IGF2BP2: variants seen among roughly 807,000 people sequenced by gnomAD.
The protein encoded by IGF2BP2 is insulin-like growth factor 2 mRNA-binding protein 2.
IGF2BP2 carries 17 observed loss-of-function variants against 75.8 expected under a neutral mutation model. That is an observed-to-expected ratio of 0.22 (90% CI 0.15 to 0.34). The LOEUF (loss-of-function observed/expected upper bound fraction) is 0.34, where lower values mean the gene tolerates loss of function less well. Ranked by LOEUF, IGF2BP2 falls within the 10% of genes least tolerant of loss-of-function variation. The probability of loss-of-function intolerance (pLI) is 1.00; values close to 1 mark genes in which losing one functional copy is unlikely to be tolerated. For synonymous variants in IGF2BP2, 288 were observed against 295.6 expected (o/e 0.97, Z 0.26); for missense variants, 516 against 772.4 (o/e 0.67, Z 3.93).
chr3:185,725,849 T>C (rs1017972369), intron 2 of IGF2BP2, among the ~76,000 whole-genome samples: 11 of 152,154 alleles, frequency 7.2e-5, no homozygotes, highest in African/African-American at 2.2e-4. Flanking sequence ...TGTGTGCTTG[T>C]AGTCCCAGTT....
intron 2 of IGF2BP2, among the ~76,000 whole-genome samples, chr3:185,788,476 A>G (rs372078483): frequency 5.3e-5 from 8 of 152,200 alleles, no homozygotes; most frequent in South Asian, 4.1e-4. Flanking sequence ...GCGCCACTGC[A>G]CTCTCAGCCT....
chr3:185,754,243 C>T (rs1313254278), intron 2 of IGF2BP2, among the ~76,000 whole-genome samples: 2 of 151,806 alleles, frequency 1.3e-5, no homozygotes, highest in African/African-American at 4.8e-5. Flanking sequence ...GGGACCTCCC[C>T]CATCTCTCTC....
rs1156849695 is a variant in IGF2BP2, at chr3:185,644,686, A to G, written c.*845T>C. 3 of 151,224 alleles carry G rather than the reference A, an allele frequency of 2.0e-5. No individual in the cohort carries two copies. Among genetic ancestry groups the G allele is most frequent in the African/African-American group, 7.3e-5 (3 of 40,980 alleles). The allele number at this position is 151,224 out of a possible 1,614,324, so 9.4% of individuals were successfully genotyped here. ...AAGAAGGGGAGGGGAGGGAGGGGAG[A>G]GATAAACAGAGAGAGACAGAGAATT... On this transcript the variant is annotated 3_prime_UTR_variant, in exon 16 of 16. Transcript: ENST00000382199.
intron 2 of IGF2BP2, among the ~76,000 whole-genome samples, chr3:185,751,028 C>A (rs1370284166): frequency 6.6e-6 from 1 of 151,964 alleles, no homozygotes; most frequent in Non-Finnish European, 1.5e-5. Context: ...AACAGCCTGG[C>A]CAACATAGTG....
intron 2 of IGF2BP2, among the ~76,000 whole-genome samples, chr3:185,797,032 G>A (rs536835748): frequency 2.0e-5 from 3 of 152,178 alleles, no homozygotes; most frequent in Non-Finnish European, 2.9e-5. Context: ...AGTGAGAAAC[G>A]CACTGCCCCA....
chr3:185,694,684 T>C (rs1346758908), intron 4 of IGF2BP2, among the ~76,000 whole-genome samples: 1 of 152,206 alleles, frequency 6.6e-6, no homozygotes, highest in Non-Finnish European at 1.5e-5. Flanking sequence ...ACCTGGAATA[T>C]ATTTTTCTTG....
intron 2 of IGF2BP2, among the ~76,000 whole-genome samples, chr3:185,727,569 AGACTT>A (rs1242111257): frequency 2.6e-5 from 4 of 152,228 alleles, no homozygotes; most frequent in Admixed American, 1.3e-4. Flanking sequence ...TTTGTGAAAA[AGACTT>A]TACTTGAAAT....
chr3:185,684,910 C>T (rs1332410106), intron 7 of IGF2BP2, among the ~76,000 whole-genome samples: 3 of 151,952 alleles, frequency 2.0e-5, no homozygotes, highest in Non-Finnish European at 4.4e-5. Flanking sequence ...CAGTGATTAG[C>T]ACAGTGTAGG....
chr3:185,811,328 C>T (rs1034550699), intron 2 of IGF2BP2, among the ~76,000 whole-genome samples: 2 of 152,152 alleles, frequency 1.3e-5, no homozygotes, highest in Admixed American at 1.3e-4. Flanking sequence ...TTCCCTCTCA[C>T]TCATAGACAA....
intron 15 of IGF2BP2, 113 bp downstream of exon 15, chr3:185,646,912 A>ATCTTGGCGTGGATTGATGC (rs1190532779): frequency 1.3e-6 from 1 of 767,180 alleles, no homozygotes; most frequent in East Asian, 2.5e-5. Context: ...GAGAGGTTCC[A>ATCTTGGCGTGGATTGATGC]TCTTGGCGTG....
chr3:185,792,287 C>G (rs567929110), intron 2 of IGF2BP2, among the ~76,000 whole-genome samples: 1 of 152,154 alleles, frequency 6.6e-6, no homozygotes, highest in South Asian at 2.1e-4. Context: ...AATTGAGTAT[C>G]TGCTTTTCTC....
intron 2 of IGF2BP2, chr3:185,717,450 A>C (rs1234102229): frequency 6.6e-6 from 1 of 152,380 alleles, no homozygotes; most frequent in African/African-American, 2.4e-5. Flanking sequence ...TGAAGGAAGA[A>C]TTTCTGTGCT....
chr3:185,795,638 TG>T (rs1224230748), intron 2 of IGF2BP2, among the ~76,000 whole-genome samples: 1 of 152,210 alleles, frequency 6.6e-6, no homozygotes, highest in Non-Finnish European at 1.5e-5. Flanking sequence ...CCCAGCAATT[TG>T]GGAGGCCAAA....
At chr3:185,760,943 T>C (rs1732274561) in intron 2 of IGF2BP2, among the ~76,000 whole-genome samples, 1 of 152,242 alleles carries the variant, frequency 6.6e-6, no homozygotes, top group African/African-American at 2.4e-5. Flanking sequence ...TTCCTTTTGT[T>C]TTGTTCATTT....
At chr3:185,664,986 A>G (rs1717062481) in intron 10 of IGF2BP2, among the ~76,000 whole-genome samples, 1 of 152,004 alleles carries the variant, frequency 6.6e-6, no homozygotes, top group Non-Finnish European at 1.5e-5. Context: ...TATAAAAGGC[A>G]AAAAAACTTA....
At chr3:185,684,510 T>G (rs1720841045) in intron 7 of IGF2BP2, among the ~76,000 whole-genome samples, 1 of 152,260 alleles carries the variant, frequency 6.6e-6, no homozygotes, top group African/African-American at 2.4e-5. Flanking sequence ...GTTCAAGAGA[T>G]TCCCCTGCCT....
At chr3:185,672,505 G>T in intron 10 of IGF2BP2, 36 bp downstream of exon 10, 1 of 1,603,428 alleles carries the variant, frequency 6.2e-7, no homozygotes, top group Non-Finnish European at 8.5e-7. Flanking sequence ...GAGGTGCCCA[G>T]CGCATAAGCA....
intron 2 of IGF2BP2, among the ~76,000 whole-genome samples, chr3:185,782,958 G>T (rs937011726): frequency 6.6e-6 from 1 of 152,108 alleles, no homozygotes; most frequent in Non-Finnish European, 1.5e-5. Flanking sequence ...TATGTAGTTG[G>T]GATTAACCAC....
intron 2 of IGF2BP2, among the ~76,000 whole-genome samples, chr3:185,801,863 G>T (rs961703847): frequency 6.6e-6 from 1 of 152,038 alleles, no homozygotes; most frequent in African/African-American, 2.4e-5. Flanking sequence ...CATATCCTTT[G>T]CAGGGACATG....
Sources: gnomAD v4.1 joint callset for allele counts (sites outside exome capture counted in the v4.1 genomes callset) on GRCh38, gnomAD v4.1.1 for gene constraint, MANE v1.5 for transcripts, NCBI Gene and HGNC (gene_info 2026-07-23, HGNC 2026-07-21) for gene names.